RIMS2: variants seen among roughly 807,000 people sequenced by gnomAD.
RIMS2 encodes the protein regulating synaptic membrane exocytosis protein 2.
In RIMS2, 59 loss-of-function variants were observed where a neutral mutation model predicts 174.4. The observed-to-expected ratio is 0.34, with a 90% CI of 0.27 to 0.42. RIMS2 has a LOEUF of 0.42. Among genes scored for constraint, RIMS2 ranks in the 10% least tolerant of loss-of-function variants. The pLI, the probability that RIMS2 is intolerant of heterozygous loss-of-function variation, is 1.00. For synonymous variants in RIMS2, 606 were observed against 572.5 expected, an observed-to-expected ratio of 1.06 and a Z score of -0.84; for missense variants, 1,620 against 1,666.3, an observed-to-expected ratio of 0.97 and a Z score of 0.48.
intron 1 of RIMS2, among the ~76,000 whole-genome samples, chr8:103,680,811 T>G (rs555614372): frequency 6.4e-4 from 97 of 151,894 alleles, no homozygotes; most frequent in African/African-American, 2.2e-3. Context: ...TCAGCAAAAA[T>G]TTAAAAAGTT....
chr8:103,838,990 G>A (rs1046474093), intron 3 of RIMS2, among the ~76,000 whole-genome samples: 4 of 152,096 alleles, frequency 2.6e-5, no homozygotes, highest in African/African-American at 7.2e-5. Context: ...GCGTGAACCC[G>A]GGAGGTGGAG....
intron 12 of RIMS2, among the ~76,000 whole-genome samples, chr8:103,935,213 T>C (rs1463636818): frequency 6.6e-6 from 1 of 152,220 alleles, no homozygotes; most frequent in African/African-American, 2.4e-5. Context: ...GTTATTCCCA[T>C]ACACATTATC....
chr8:103,898,169 C>A (rs2099301632), intron 4 of RIMS2, among the ~76,000 whole-genome samples: 1 of 151,620 alleles, frequency 6.6e-6, no homozygotes, highest in South Asian at 2.1e-4. Context: ...ACCTTCTACC[C>A]TCTAAAGAGT....
intron 19 of RIMS2, among the ~76,000 whole-genome samples, chr8:104,196,090 G>T (rs1447080): frequency 0.16 from 24,209 of 151,854 alleles, 2,482 homozygotes; most frequent in Non-Finnish European, 0.23. Flanking sequence ...TTGGTTTTTA[G>T]GTAGATAATT....
intron 2 of RIMS2, among the ~76,000 whole-genome samples, chr8:103,753,337 C>A (rs1268465819): frequency 6.6e-6 from 1 of 152,126 alleles, no homozygotes; most frequent in Non-Finnish European, 1.5e-5. Context: ...TTCAGTTTGC[C>A]AGTGTTTTAT....
intron 2 of RIMS2, among the ~76,000 whole-genome samples, chr8:103,733,619 G>T (rs995207797): frequency 6.6e-6 from 1 of 152,258 alleles, no homozygotes; most frequent in Non-Finnish European, 1.5e-5. Flanking sequence ...TTCTCTTCTG[G>T]CTAGAACTGG....
At chr8:103,714,048 A>T (rs2097340181) in intron 2 of RIMS2, among the ~76,000 whole-genome samples, 1 of 152,168 alleles carries the variant, frequency 6.6e-6, no homozygotes, top group Admixed American at 6.5e-5. Flanking sequence ...CCTGTGAATT[A>T]ACCACTCACT....
At chr8:103,767,250 C>T (rs13273605) in intron 3 of RIMS2, among the ~76,000 whole-genome samples, 4,842 of 151,116 alleles carry the variant, frequency 0.032, 104 homozygotes, top group Non-Finnish European at 0.052. Flanking sequence ...TGCAGTGGCA[C>T]GATCTCGGCT....
chr8:103,663,974 A>G (rs967499593), intron 1 of RIMS2, among the ~76,000 whole-genome samples: 9 of 152,210 alleles, frequency 5.9e-5, no homozygotes, highest in South Asian at 2.1e-4. Flanking sequence ...CTCAGAAATA[A>G]CACCATACAT....
chr8:103,733,357 G>A (rs1051765948), intron 2 of RIMS2, among the ~76,000 whole-genome samples: 3 of 152,076 alleles, frequency 2.0e-5, no homozygotes, highest in Non-Finnish European at 4.4e-5. Context: ...TCTCCCAGTA[G>A]TGTGAGCTTC....
chr8:103,767,004 CA>C (rs2098180626), intron 3 of RIMS2, among the ~76,000 whole-genome samples: 1 of 152,118 alleles, frequency 6.6e-6, no homozygotes, highest in Non-Finnish European at 1.5e-5. Context: ...GATCCGACAT[CA>C]GGTTTATAGT....
intron 3 of RIMS2, among the ~76,000 whole-genome samples, chr8:103,817,242 G>A (rs1176385347): frequency 6.6e-6 from 1 of 152,082 alleles, no homozygotes; most frequent in African/African-American, 2.4e-5. Context: ...TGAGATATTT[G>A]CTCTAACTAA....
At chr8:104,255,528 A>G (rs1395374128), downstream of RIMS2, 2 of 152,250 alleles carry the variant, frequency 1.3e-5, no homozygotes, top group South Asian at 4.1e-4. Flanking sequence ...CCCTAACAAC[A>G]TGGCTGCCAT....
chr8:103,676,510 G>A (rs1219830465), intron 1 of RIMS2, among the ~76,000 whole-genome samples: 1 of 151,720 alleles, frequency 6.6e-6, no homozygotes, highest in Admixed American at 6.6e-5. Flanking sequence ...TATTAATTAA[G>A]CCAAAAGTTA....
At chr8:103,749,406 C>T (rs1396097073) in intron 2 of RIMS2, among the ~76,000 whole-genome samples, 2 of 152,180 alleles carry the variant, frequency 1.3e-5, no homozygotes, top group Non-Finnish European at 2.9e-5. Flanking sequence ...GCCACGGCGC[C>T]TGGCCACTTT....
At chr8:103,548,406 C>T (rs758943901) in intron 1 of RIMS2, among the ~76,000 whole-genome samples, 62 of 152,282 alleles carry the variant, frequency 4.1e-4, no homozygotes, top group Non-Finnish European at 7.6e-4. Flanking sequence ...GAATTCACCA[C>T]ATAAACAGAA....
At chr8:104,123,090 A>C (rs1374106620) in intron 19 of RIMS2, among the ~76,000 whole-genome samples, 2 of 152,134 alleles carry the variant, frequency 1.3e-5, no homozygotes, top group African/African-American at 4.8e-5. Flanking sequence ...CATTAGACTG[A>C]AGTCAAATGA....
intron 1 of RIMS2, among the ~76,000 whole-genome samples, chr8:103,586,177 T>C (rs899027587): frequency 2.0e-5 from 3 of 152,196 alleles, no homozygotes; most frequent in Admixed American, 1.3e-4. Flanking sequence ...ACTTTCAGCA[T>C]TGGACAAATC....
intron 15 of RIMS2, 85 bp from the exon 18 acceptor site, chr8:103,975,265 A>T: frequency 1.3e-6 from 1 of 782,288 alleles, no homozygotes; most frequent in East Asian, 2.8e-5. Context: ...AATTTCACCA[A>T]CATTTTGTTT....
Sources: allele counts gnomAD v4.1 joint callset (sites outside exome capture counted in the v4.1 genomes callset), GRCh38; gene constraint gnomAD v4.1.1; transcripts MANE v1.5; gene names NCBI Gene and HGNC (gene_info 2026-07-23, HGNC 2026-07-21).